Variants in C8orf34 observed in about 807,000 individuals in gnomAD.
The protein encoded by C8orf34 is chromosome 8 open reading frame 34.
Under a neutral mutation model 68.3 loss-of-function variants are expected in C8orf34, and 65 were observed. The ratio of observed to expected loss-of-function variants is 0.95; its 90% CI spans 0.78 to 1.17. The LOEUF is 1.17. Among genes scored for constraint, C8orf34 ranks in the 50% most tolerant of loss-of-function variants. The probability of loss-of-function intolerance (pLI) is 0.00; values close to 1 mark genes in which losing one functional copy is unlikely to be tolerated. For missense variants in C8orf34, 664 were observed against 655.4 expected, an observed-to-expected ratio of 1.01 and a Z score of -0.14; for synonymous variants, 244 against 241.2, an observed-to-expected ratio of 1.01 and a Z score of -0.11.
At chr8:68,797,121 C>T (rs1824201421) in intron 12 of C8orf34, among the ~76,000 whole-genome samples, 1 of 152,144 alleles carries the variant, frequency 6.6e-6, no homozygotes, top group South Asian at 2.1e-4. Flanking sequence ...GCCACCGCAC[C>T]CAGCCTATTT....
At chr8:68,359,298 A>T (rs1300376440) in intron 1 of C8orf34, among the ~76,000 whole-genome samples, 1 of 152,136 alleles carries the variant, frequency 6.6e-6, no homozygotes, top group Admixed American at 6.6e-5. Flanking sequence ...TGAGCAACCC[A>T]TTCAATTTTC....
In C8orf34 at chr8:68,664,751, C is replaced by T. The variant is rs142121078; in HGVS notation, c.1241+24240C>T. Among the ~76,000 whole-genome samples the T allele has an allele frequency of 4.0e-3, 605 of 152,162 alleles. 4 individuals are homozygous for T. The highest frequency in any genetic ancestry group is 0.014 in the African/African-American group (582 of 41,508). On this transcript the variant is annotated intron_variant, in intron 8 of 13. Coordinates refer to ENST00000518698, the MANE Select transcript of C8orf34 (RefSeq NM_052958.4). The stretch of plus-strand genomic sequence containing the variant: ...TCCACAGAGAGAACACCAGGGAAGC[C>T]ACAGCACAGCAAGTCTGGCTGCATT...
At chr8:68,436,523 T>C (rs16934606) in intron 1 of C8orf34, among the ~76,000 whole-genome samples, 11,257 of 152,158 alleles carry the variant, frequency 0.074, 745 homozygotes, top group African/African-American at 0.18. Context: ...CTTATCACTT[T>C]GTTGTTCTAT....
At chr8:68,494,224 C>T (rs974881058) in intron 5 of C8orf34, among the ~76,000 whole-genome samples, 1 of 152,162 alleles carries the variant, frequency 6.6e-6, no homozygotes, top group Non-Finnish European at 1.5e-5. Context: ...TTCCATACTA[C>T]AACATGGATG....
At chr8:68,693,165 G>A (rs1030838203) in intron 8 of C8orf34, among the ~76,000 whole-genome samples, 1 of 151,978 alleles carries the variant, frequency 6.6e-6, no homozygotes, top group African/African-American at 2.4e-5. Context: ...CTATCTTAAC[G>A]ATTAAGTACT....
chr8:68,569,110 A>T (rs1816689445), intron 7 of C8orf34, among the ~76,000 whole-genome samples: 1 of 152,194 alleles, frequency 6.6e-6, no homozygotes, highest in Non-Finnish European at 1.5e-5. Context: ...ATTGACTCTT[A>T]TAGAGGTAAG....
intron 10 of C8orf34, among the ~76,000 whole-genome samples, chr8:68,747,927 A>T (rs959968467): frequency 6.6e-6 from 1 of 152,148 alleles, no homozygotes; most frequent in African/African-American, 2.4e-5. Context: ...CGCATCGCCA[A>T]GTCAATCCTA....
At chr8:68,454,691 A>G (rs761489503) in intron 3 of C8orf34, among the ~76,000 whole-genome samples, 5 of 151,984 alleles carry the variant, frequency 3.3e-5, no homozygotes, top group Admixed American at 1.3e-4. Flanking sequence ...CTTTCTAAAG[A>G]ACCAACTTTT....
Position 68,359,330 on chromosome 8 carries a change from C to T in C8orf34, c.327+27991C>T, listed in dbSNP as rs565650628. 6.6e-5 allele frequency among the ~76,000 whole-genome samples: 10 copies of T among 152,268 alleles called. No homozygotes were observed. The South Asian group carries it at 2.1e-3, about 32-fold the overall frequency. On this transcript the variant is annotated intron_variant, in intron 1 of 13. Transcript: ENST00000518698. Reference sequence around the variant, plus strand: ...TTTCCAAGCTGCCTGTATTGCTGCACTGTTGCTTTTAGTATTGTTAAGTCA... The same window carrying T: ...TTTCCAAGCTGCCTGTATTGCTGCATTGTTGCTTTTAGTATTGTTAAGTCA...
rs539570987 is a variant in C8orf34, at chr8:68,463,483, A to C, written c.608-5209A>C. 2.1e-3 allele frequency among the ~76,000 whole-genome samples: 326 copies of C among 152,260 alleles called. 1 individual carries two copies. The highest frequency in any genetic ancestry group is 7.1e-3 in the African/African-American group (293 of 41,528). Reference sequence around the variant, plus strand: ...TGATACCAAAGCCGGGCAGAGACAAAACCAAAAAAGAGAATTTTAGACCAA... The same window carrying C: ...TGATACCAAAGCCGGGCAGAGACAACACCAAAAAAGAGAATTTTAGACCAA... On this transcript the variant is annotated intron_variant, in intron 3 of 13. Transcript: ENST00000518698.
chr8:68,493,147 T>C (rs1272993659), intron 5 of C8orf34, among the ~76,000 whole-genome samples: 1 of 152,184 alleles, frequency 6.6e-6, no homozygotes, highest in African/African-American at 2.4e-5. Flanking sequence ...CTGAAAAAGA[T>C]GCTGTATAAT....
chr8:68,616,751 A>T (rs1040209364), intron 7 of C8orf34, among the ~76,000 whole-genome samples: 2 of 152,168 alleles, frequency 1.3e-5, no homozygotes, highest in Non-Finnish European at 2.9e-5. Flanking sequence ...TGGTGCTGAA[A>T]AAAATGTATA....
At chr8:68,789,071 T>C (rs1046407227) in intron 12 of C8orf34, among the ~76,000 whole-genome samples, 4 of 152,130 alleles carry the variant, frequency 2.6e-5, no homozygotes, top group African/African-American at 9.7e-5. Flanking sequence ...TGCAAACATA[T>C]CCACATCCCC....
At chr8:68,436,027 G>T (rs569724006) in intron 1 of C8orf34, among the ~76,000 whole-genome samples, 1 of 152,192 alleles carries the variant, frequency 6.6e-6, no homozygotes, top group South Asian at 2.1e-4. Context: ...GGCCAACATG[G>T]AAAACCCTAT....
chr8:68,667,941 G>T (rs1026341921), intron 8 of C8orf34, among the ~76,000 whole-genome samples: 6 of 151,868 alleles, frequency 4.0e-5, no homozygotes, highest in African/African-American at 1.5e-4. Context: ...CTTTAATTCA[G>T]AAAAATAAAA....
At chr8:68,799,337 T>C (rs911964838) in intron 12 of C8orf34, among the ~76,000 whole-genome samples, 9 of 152,220 alleles carry the variant, frequency 5.9e-5, no homozygotes, top group Admixed American at 3.3e-4. Context: ...AGGTCAGCCT[T>C]ATATCAGATG....
In C8orf34 at chr8:68,475,593, T is replaced by G. The variant is rs1029540200; in HGVS notation, c.736+6773T>G. 4.6e-5 allele frequency among the ~76,000 whole-genome samples: 7 copies of G among 152,350 alleles called. No individual in the cohort carries two copies. In the East Asian group the frequency reaches 1.3e-3, roughly 29 times the overall value. On this transcript the variant is annotated intron_variant, in intron 4 of 13. Transcript: ENST00000518698. Reference sequence around the variant, plus strand: ...ACATGGGTTTGGCTGTTAGTAGATTTGACTTGTTTGCTGGGATCTTTGGCT... The same window carrying G: ...ACATGGGTTTGGCTGTTAGTAGATTGGACTTGTTTGCTGGGATCTTTGGCT...
At chr8:68,331,759 T>C (rs1202299429) in intron 1 of C8orf34, among the ~76,000 whole-genome samples, 1 of 122,666 alleles carries the variant, frequency 8.2e-6, no homozygotes, top group African/African-American at 2.8e-5. Flanking sequence ...TTGGATTTTC[T>C]TTTTTCTTTT....
intron 9 of C8orf34, among the ~76,000 whole-genome samples, chr8:68,712,224 G>A (rs1324250001): frequency 6.6e-6 from 1 of 152,110 alleles, no homozygotes; most frequent in Non-Finnish European, 1.5e-5. Flanking sequence ...ATACACCAAA[G>A]TAGAACCTCC....
Sources: gnomAD v4.1 joint callset for allele counts (sites outside exome capture counted in the v4.1 genomes callset) on GRCh38, gnomAD v4.1.1 for gene constraint, MANE v1.5 for transcripts, NCBI Gene and HGNC (gene_info 2026-07-23, HGNC 2026-07-21) for gene names.